The following PLEKHA8 variants were observed in gnomAD, a reference collection of about 807,000 sequenced individuals.
The protein encoded by PLEKHA8 is pleckstrin homology domain containing A8, also known as pleckstrin homology domain-containing family A member 8.
Under a neutral mutation model 68.2 loss-of-function variants are expected in PLEKHA8, and 36 were observed. That is an observed-to-expected ratio of 0.53 (90% CI 0.40 to 0.70). The LOEUF (loss-of-function observed/expected upper bound fraction) is 0.70, where lower values mean the gene tolerates loss of function less well. Among genes scored for constraint, PLEKHA8 ranks in the 30% least tolerant of loss-of-function variants. The pLI, the probability that PLEKHA8 is intolerant of heterozygous loss-of-function variation, is 0.00. For missense variants in PLEKHA8, 505 were observed against 615.4 expected, an observed-to-expected ratio of 0.82 and a Z score of 1.90; for synonymous variants, 211 against 216.1, an observed-to-expected ratio of 0.98 and a Z score of 0.20.
chr7:30,088,090 T>C (rs1795251417), downstream of PLEKHA8, among the ~76,000 whole-genome samples: 1 of 152,242 alleles, frequency 6.6e-6, no homozygotes, highest in Non-Finnish European at 1.5e-5. Context: ...CCAGATGTGT[T>C]AGTTCTGTTA....
Position 30,082,619 on chromosome 7 carries a change from G to C in PLEKHA8, c.*3832G>C. 1.0e-6 allele frequency: 1 copy of C among 984,990 alleles called. No individual in the cohort carries two copies. The highest frequency in any genetic ancestry group is 1.2e-6 in the Non-Finnish European group (1 of 829,548). 61.0% of individuals were successfully genotyped at this position (984,990 alleles called of 1,614,324 possible). A position where few individuals can be genotyped will look rare whatever the true frequency, so the allele number is the denominator to read the frequency against. ...TACTTTCCAAATATATTAACAAAAA[G>C]TTGATGCTTTTAACTTTATATTTTC... is the stretch of plus-strand genomic sequence containing the variant. On this transcript the variant is annotated 3_prime_UTR_variant, in exon 14 of 14. Transcript: ENST00000449726.
chr7:30,036,129 G>A (rs562219641), intron 1 of PLEKHA8, among the ~76,000 whole-genome samples: 15 of 152,064 alleles, frequency 9.9e-5, no homozygotes, highest in African/African-American at 3.6e-4. Flanking sequence ...GATGGCACAC[G>A]ACTGTAATCC....
intron 13 of PLEKHA8, chr7:30,118,258 TTTGA>T (rs1796631040): frequency 1.0e-5 from 4 of 388,974 alleles, no homozygotes; most frequent in Non-Finnish European, 1.8e-5. Context: ...CTGGAACTTA[TTTGA>T]TTGTTTTTCT....
intron 2 of PLEKHA8, among the ~76,000 whole-genome samples, chr7:30,045,821 A>G (rs559494371): frequency 2.6e-5 from 4 of 152,348 alleles, no homozygotes; most frequent in Admixed American, 2.0e-4. Context: ...TTGTTTCCCA[A>G]TAAATCCAAG....
intron 1 of PLEKHA8, among the ~76,000 whole-genome samples, chr7:30,031,080 T>C (rs1790628119): frequency 6.6e-6 from 1 of 152,204 alleles, no homozygotes; most frequent in African/African-American, 2.4e-5. Flanking sequence ...TTGAGTGAAG[T>C]TAGGAAATCA....
chr7:30,052,847 T>C lies in PLEKHA8; in HGVS notation c.777T>C (p.Asn259=). 1 of 1,576,984 alleles carries C rather than the reference T, an allele frequency of 6.3e-7. No homozygotes were observed. Among genetic ancestry groups the C allele is most frequent in the Non-Finnish European group, 8.5e-7 (1 of 1,170,058 alleles). The change falls in exon 7 of 14, where the codon AAT becomes AAC. Residue 259 remains asparagine, a synonymous_variant. Coordinates refer to ENST00000449726, the MANE Select transcript of PLEKHA8 (RefSeq NM_001197026.2). ...EIDCSISSEE[N]TDDNITVQGE... ...ACTGCAGCATATCAAGTGAGGAAAA[T>C]ACAGATGATAATATAACAGGTAAAA...
At chr7:30,109,453 T>C (rs1796187917) in intron 13 of PLEKHA8, among the ~76,000 whole-genome samples, 1 of 151,562 alleles carries the variant, frequency 6.6e-6, no homozygotes, top group Non-Finnish European at 1.5e-5. Context: ...CTGGGCGTGG[T>C]GGTGGATGCC....
At position 30,078,760 on chromosome 7, in the gene PLEKHA8, C is replaced by A. The variant is rs778231408; in HGVS notation, c.1533C>A (p.His511Gln). The change falls in exon 14 of 14, where the codon CAC (histidine) becomes CAA (glutamine). Residue 511 changes from histidine (H) to glutamine (Q), a missense_variant. By Grantham distance (24) the His-to-Gln change is conservative. Transcript: ENST00000449726. ...TACTGGACACTTTATATGAGGTCCACGGGCTGGAATCTGATGAGGTGGTAT... is the reference window on the plus strand; with the variant it reads ...TACTGGACACTTTATATGAGGTCCAAGGGCTGGAATCTGATGAGGTGGTAT... The part of the protein sequence containing the change: ...LAILDTLYEV[H>Q]GLESDEVV The A allele has an allele frequency of 4.3e-6, 7 of 1,613,472 alleles. No individual in the cohort carries two copies. The highest frequency in any genetic ancestry group is 5.9e-6 in the Non-Finnish European group (7 of 1,179,700).
In PLEKHA8 at chr7:30,028,808, T is replaced by C; in HGVS notation, c.40+6T>C. The C allele has an allele frequency of 7.9e-7, 1 of 1,267,788 alleles. No individual in the cohort carries two copies. The highest frequency in any genetic ancestry group is 1.0e-6 in the Non-Finnish European group (1 of 1,001,172). 78.5% of individuals were successfully genotyped at this position (1,267,788 alleles called of 1,614,324 possible). On this transcript the variant is annotated splice_donor_region_variant and intron_variant, in intron 1 of 13. Coordinates refer to ENST00000449726, the MANE Select transcript of PLEKHA8 (RefSeq NM_001197026.2). ...GTGGACCAACTATCTGAGCGGTGAG[T>C]GGCCGTGCCGGGCCGGGGGCGCGCC...
chr7:30,050,352 C>T, intron 5 of PLEKHA8, 82 bp from the exon 6 acceptor site: 3 of 1,476,958 alleles, frequency 2.0e-6, no homozygotes, highest in South Asian at 1.4e-5. Context: ...GTCATATTTA[C>T]CATTTTGTAT....
chr7:30,096,961 G>A (rs900060077), intron 13 of PLEKHA8, among the ~76,000 whole-genome samples: 10 of 152,280 alleles, frequency 6.6e-5, no homozygotes, highest in Non-Finnish European at 1.2e-4. Flanking sequence ...CCGGTGGCTG[G>A]TACCAGTTGT....
intron 13 of PLEKHA8, chr7:30,115,887 T>C (rs1252444739): frequency 2.1e-5 from 3 of 143,848 alleles, no homozygotes; most frequent in Admixed American, 7.1e-5. Context: ...CACGCATACA[T>C]GCGTATACAT....
At chr7:30,123,036 G>A (rs918481220) in intron 13 of PLEKHA8, among the ~76,000 whole-genome samples, 2 of 152,018 alleles carry the variant, frequency 1.3e-5, no homozygotes, top group African/African-American at 2.4e-5. Flanking sequence ...CCCCCCCTAA[G>A]CTAGCTTGAA....
chr7:30,115,772 A>T (rs1432674805), intron 13 of PLEKHA8: 1 of 148,352 alleles, frequency 6.7e-6, no homozygotes, highest in African/African-American at 2.5e-5. Flanking sequence ...GTATACACGT[A>T]TGCATGCATA....
At position 30,029,360 on chromosome 7, in the gene PLEKHA8, A is replaced by T. The variant is rs369484323; in HGVS notation, c.40+558A>T. The stretch of plus-strand genomic sequence containing the variant: ...TTCAAAGCTCTGCACAAGGTTTTTT[A>T]TTTTCTCGTTGAGCATTTCCTTTTG... On this transcript the variant is annotated intron_variant, in intron 1 of 13. Transcript: ENST00000449726. Among the ~76,000 whole-genome samples, 11 of 152,232 alleles carry T rather than the reference A, an allele frequency of 7.2e-5. No individual in the cohort carries two copies. In the East Asian group the frequency reaches 1.9e-3, roughly 27 times the overall value.
At chr7:30,115,740 GTA>G (rs1796447103) in intron 13 of PLEKHA8, 1 of 117,496 alleles carries the variant, frequency 8.5e-6, no homozygotes, top group Non-Finnish European at 1.9e-5. Context: ...ACGTATACAT[GTA>G]TACATACGTG....
chr7:30,040,679 A>G (rs1791461867), intron 1 of PLEKHA8, among the ~76,000 whole-genome samples: 1 of 152,210 alleles, frequency 6.6e-6, no homozygotes, highest in African/African-American at 2.4e-5. Context: ...ATAAATGTCA[A>G]GTATGCTTTC....
chr7:30,094,767 C>A (rs1320756837), downstream of PLEKHA8, among the ~76,000 whole-genome samples: 3 of 147,258 alleles, frequency 2.0e-5, no homozygotes, highest in African/African-American at 7.5e-5. Flanking sequence ...TAAGTGAGAA[C>A]ATGAGGTGTT....
At chr7:30,111,599 G>A (rs904320762) in intron 13 of PLEKHA8, among the ~76,000 whole-genome samples, 1 of 151,012 alleles carries the variant, frequency 6.6e-6, no homozygotes, top group Non-Finnish European at 1.5e-5. Flanking sequence ...CTGTAAAAAT[G>A]GACATTTATT....
Sources: allele counts gnomAD v4.1 joint callset (sites outside exome capture counted in the v4.1 genomes callset), GRCh38; gene constraint gnomAD v4.1.1; transcripts MANE v1.5; gene names NCBI Gene and HGNC (gene_info 2026-07-23, HGNC 2026-07-21).